MPHOSPH6: variants seen among roughly 807,000 people sequenced by gnomAD.
The protein encoded by MPHOSPH6 is M-phase phosphoprotein 6.
Under a neutral mutation model 21.8 loss-of-function variants are expected in MPHOSPH6, and 25 were observed. The observed-to-expected ratio is 1.15, with a 90% CI of 0.83 to 1.60. The LOEUF (loss-of-function observed/expected upper bound fraction) is 1.60. MPHOSPH6 is among the 40% of genes most tolerant of loss of function. The probability of loss-of-function intolerance (pLI) is 0.00; values close to 1 mark genes in which losing one functional copy is unlikely to be tolerated. For missense variants in MPHOSPH6, 269 were observed against 181.8 expected, an observed-to-expected ratio of 1.48 and a Z score of -2.76; for synonymous variants, 84 against 56.5, an observed-to-expected ratio of 1.49 and a Z score of -2.18.
intron 2 of MPHOSPH6, among the ~76,000 whole-genome samples, chr16:82,154,975 C>T (rs759400514): frequency 6.6e-6 from 1 of 152,156 alleles, no homozygotes. Flanking sequence ...AATAAAATGT[C>T]AGCAAATTGA....
At chr16:82,152,584 G>A (rs745435961) in intron 2 of MPHOSPH6, among the ~76,000 whole-genome samples, 23 of 152,242 alleles carry the variant, frequency 1.5e-4, no homozygotes, top group East Asian at 1.9e-4. Context: ...ATTGGAAGAC[G>A]GGCAGAAATA....
intron 1 of MPHOSPH6, among the ~76,000 whole-genome samples, chr16:82,166,175 A>G (rs1906772716): frequency 1.3e-5 from 2 of 152,294 alleles, no homozygotes; most frequent in Admixed American, 1.3e-4. Context: ...GACGCACGGG[A>G]TATCCCTGTA....
At chr16:82,157,290 T>G (rs1445973409) in intron 2 of MPHOSPH6, among the ~76,000 whole-genome samples, 6 of 152,210 alleles carry the variant, frequency 3.9e-5, no homozygotes, top group Non-Finnish European at 8.8e-5. Flanking sequence ...TATACCGTGG[T>G]GTATCTGTAA....
intron 1 of MPHOSPH6, 145 bp from the exon 2 acceptor site, chr16:82,164,339 C>T (rs1038634361): frequency 4.5e-5 from 28 of 619,380 alleles, no homozygotes; most frequent in East Asian, 3.6e-4. Flanking sequence ...AGTGATCAAA[C>T]GGTTTAGCTC....
At chr16:82,153,095 C>T (rs1054510797) in intron 2 of MPHOSPH6, among the ~76,000 whole-genome samples, 4 of 151,940 alleles carry the variant, frequency 2.6e-5, no homozygotes, top group African/African-American at 9.7e-5. Context: ...CCACTGCACT[C>T]CAGCCTGGGT....
chr16:82,149,270 C>T, intron 4 of MPHOSPH6, 39 bp downstream of exon 4: 2 of 1,594,656 alleles, frequency 1.3e-6, no homozygotes, highest in South Asian at 1.1e-5. Context: ...CCAATGAATG[C>T]TAGGTCCAGA....
intron 1 of MPHOSPH6, among the ~76,000 whole-genome samples, chr16:82,168,279 G>A (rs7206093): frequency 0.65 from 99,094 of 152,018 alleles, 34,410 homozygotes; most frequent in East Asian, 0.78. Context: ...CTTCTCTGAA[G>A]TTAATGTTAT....
At chr16:82,151,577 C>G in intron 2 of MPHOSPH6, 63 bp from the exon 3 acceptor site, 4 of 1,482,536 alleles carry the variant, frequency 2.7e-6, no homozygotes, top group South Asian at 1.5e-5. Context: ...AAAGCCAACA[C>G]TTTGAATAAA....
intron 1 of MPHOSPH6, 112 bp from the exon 2 acceptor site, chr16:82,164,306 T>A: frequency 4.3e-6 from 3 of 705,152 alleles, no homozygotes; most frequent in Non-Finnish European, 4.7e-6. Context: ...ATGGAACCCA[T>A]CTCAAGATTG....
intron 2 of MPHOSPH6, among the ~76,000 whole-genome samples, chr16:82,158,231 G>A (rs1906491959): frequency 6.6e-6 from 1 of 151,790 alleles, no homozygotes; most frequent in South Asian, 2.1e-4. Flanking sequence ...GCTCACACCT[G>A]TAATCCCAGC....
Position 82,155,820 on chromosome 16 carries a change from G to C in MPHOSPH6, c.165-4306C>G, listed in dbSNP as rs550744766. Among the ~76,000 whole-genome samples the C allele has an allele frequency of 4.6e-5, 7 of 151,830 alleles. No individual in the cohort carries two copies. In the South Asian group the frequency reaches 1.5e-3, roughly 32 times the overall value. On this transcript the variant is annotated intron_variant, in intron 2 of 4. Coordinates refer to ENST00000258169, the MANE Select transcript of MPHOSPH6 (RefSeq NM_005792.2). The stretch of plus-strand genomic sequence containing the variant: ...CTCAGGAGGCTGGGGCAGGAGAATC[G>C]CCTGAACCCGGGAGGTGGAGGTTGC...
chr16:82,168,556 G>C (rs1416292203), intron 1 of MPHOSPH6, among the ~76,000 whole-genome samples: 2 of 148,730 alleles, frequency 1.3e-5, no homozygotes, highest in Non-Finnish European at 1.5e-5. Flanking sequence ...CTGCAGCCTT[G>C]ATCTCCCAAG....
intron 2 of MPHOSPH6, among the ~76,000 whole-genome samples, chr16:82,153,793 A>T (rs528174313): frequency 1.7e-4 from 26 of 152,336 alleles, no homozygotes; most frequent in African/African-American, 6.0e-4. Context: ...AACAAATTTA[A>T]GCTGACAAAA....
chr16:82,165,371 G>A (rs1171030992), intron 1 of MPHOSPH6, among the ~76,000 whole-genome samples: 3 of 151,754 alleles, frequency 2.0e-5, no homozygotes, highest in African/African-American at 4.8e-5. Context: ...TGATCCACCC[G>A]CCTCGGCCTC....
At chr16:82,159,671 G>A (rs1388399921) in intron 2 of MPHOSPH6, among the ~76,000 whole-genome samples, 1 of 152,152 alleles carries the variant, frequency 6.6e-6, no homozygotes, top group East Asian at 1.9e-4. Context: ...CTCCCAAAGT[G>A]CTGGGATTAC....
chr16:82,151,341 G>A (rs1906257599), intron 3 of MPHOSPH6, 83 bp downstream of exon 3: 2 of 1,556,508 alleles, frequency 1.3e-6, no homozygotes, highest in Non-Finnish European at 1.7e-6. Flanking sequence ...ATGGTACCTG[G>A]TGGAGAAACA....
chr16:82,157,905 CAG>C (rs1906480106), intron 2 of MPHOSPH6, among the ~76,000 whole-genome samples: 1 of 152,168 alleles, frequency 6.6e-6, no homozygotes, highest in Non-Finnish European at 1.5e-5. Context: ...AGCAGGAGGT[CAG>C]AGTTACTTGC....
At chr16:82,156,463 C>A (rs1032577898) in intron 2 of MPHOSPH6, among the ~76,000 whole-genome samples, 1 of 151,646 alleles carries the variant, frequency 6.6e-6, no homozygotes, top group Non-Finnish European at 1.5e-5. Flanking sequence ...TTTAAAATGG[C>A]CAAAATATTT....
At chr16:82,157,755 G>C (rs536282442) in intron 2 of MPHOSPH6, among the ~76,000 whole-genome samples, 1 of 152,310 alleles carries the variant, frequency 6.6e-6, no homozygotes, top group Admixed American at 6.5e-5. Flanking sequence ...AGGACCAGGA[G>C]GCAGTGAGGA....
Sources: allele counts gnomAD v4.1 joint callset (sites outside exome capture counted in the v4.1 genomes callset), GRCh38; gene constraint gnomAD v4.1.1; transcripts MANE v1.5; gene names NCBI Gene and HGNC (gene_info 2026-07-23, HGNC 2026-07-21).